The following MRPL3 variants were observed in gnomAD, a reference collection of about 807,000 sequenced individuals.
MRPL3 encodes the protein mitochondrial ribosomal protein L3.
A neutral mutation model predicts 44.3 loss-of-function variants in MRPL3; 43 were observed. The ratio of observed to expected loss-of-function variants is 0.97; its 90% confidence interval spans 0.76 to 1.25. MRPL3 has a LOEUF of 1.25. Ranked by LOEUF, MRPL3 falls within the 50% of genes most tolerant of loss-of-function variation. The pLI is 0.00. For missense variants in MRPL3, 406 were observed against 427.6 expected (o/e 0.95, Z 0.45); for synonymous variants, 171 against 152.3 (o/e 1.12, Z -0.91).
At chr3:131,491,217 C>G (rs936021961) in intron 4 of MRPL3, among the ~76,000 whole-genome samples, 57 of 152,252 alleles carry the variant, frequency 3.7e-4, no homozygotes, top group African/African-American at 1.3e-3. Context: ...GCACTTTCAG[C>G]TCCTAGCACT....
At chr3:131,471,710 T>TC (rs1214971625) in intron 6 of MRPL3, among the ~76,000 whole-genome samples, 1 of 152,108 alleles carries the variant, frequency 6.6e-6, no homozygotes, top group African/African-American at 2.4e-5. Flanking sequence ...TTTAATTCCC[T>TC]CCCCTTGAGT....
chr3:131,483,739 G>A (rs1332966710), intron 6 of MRPL3, among the ~76,000 whole-genome samples: 2 of 152,122 alleles, frequency 1.3e-5, no homozygotes, highest in Non-Finnish European at 2.9e-5. Context: ...ACTGTCTGCA[G>A]ACAATTTCAT....
chr3:131,487,799 T>C, intron 5 of MRPL3, 59 bp from the exon 6 acceptor site: 9 of 1,388,012 alleles, frequency 6.5e-6, no homozygotes, highest in East Asian at 2.3e-5. Flanking sequence ...AACAACTTTA[T>C]TCAACATAAA....
chr3:131,491,970 T>TC (rs1934265229), intron 4 of MRPL3, among the ~76,000 whole-genome samples: 1 of 152,088 alleles, frequency 6.6e-6, no homozygotes, highest in Non-Finnish European at 1.5e-5. Flanking sequence ...TTTACTCTCC[T>TC]CCTGACTCAC....
At chr3:131,498,477 C>T (rs1934418968) in intron 3 of MRPL3, among the ~76,000 whole-genome samples, 200 bp from the exon 4 acceptor site, 1 of 150,450 alleles carries the variant, frequency 6.6e-6, no homozygotes, top group African/African-American at 2.4e-5. Flanking sequence ...CCGAGGCGGG[C>T]AGCTCATGAA....
At chr3:131,464,826 T>C (rs1031482132) in intron 9 of MRPL3, among the ~76,000 whole-genome samples, 3 of 152,202 alleles carry the variant, frequency 2.0e-5, no homozygotes, top group Admixed American at 1.3e-4. Flanking sequence ...CCCTGTACTC[T>C]GAGGAAACAA....
chr3:131,499,889 C>A (rs1423741024), intron 3 of MRPL3, among the ~76,000 whole-genome samples: 2 of 152,126 alleles, frequency 1.3e-5, no homozygotes, highest in Non-Finnish European at 2.9e-5. Context: ...ATTTCTTTTA[C>A]AGAATAGAGT....
Position 131,501,573 on chromosome 3 carries a change from G to T in MRPL3, c.235C>A (p.Pro79Thr), listed in dbSNP as rs1410953473. 20 of 1,611,982 alleles carry T rather than the reference G, an allele frequency of 1.2e-5. No individual in the cohort carries two copies. Among genetic ancestry groups the T allele is most frequent in the Non-Finnish European group, 1.7e-5 (20 of 1,179,938 alleles). ...DKAQLASKLC[P>T]LKDEPWPIHP... ...ATAGGCCATGGTTCATCTTTCAGAG[G>T]ACACAGTTTACTTGCTAATTGGGCT... is the stretch of plus-strand genomic sequence containing the variant. Residue 79 changes from proline to threonine, a missense_variant, in exon 2 of 10, where the codon CCT becomes ACT. Transcript: ENST00000264995.
intron 4 of MRPL3, 110 bp downstream of exon 4, chr3:131,498,069 T>C (rs1042544499): frequency 8.3e-6 from 7 of 841,622 alleles, no homozygotes; most frequent in South Asian, 1.5e-5. Context: ...ACAATTTACC[T>C]CACAAACAAA....
At chr3:131,497,952 G>A (rs950065045) in intron 4 of MRPL3, 1 of 539,110 alleles carries the variant, frequency 1.9e-6, no homozygotes, top group Non-Finnish European at 3.3e-6. Flanking sequence ...ACAGCTTAGA[G>A]AGGTAAAATT....
intron 9 of MRPL3, among the ~76,000 whole-genome samples, chr3:131,466,966 G>A (rs527746171): frequency 2.0e-5 from 3 of 151,960 alleles, no homozygotes; most frequent in Non-Finnish European, 4.4e-5. Context: ...CTCTGTGCTT[G>A]TAGACCACCT....
intron 5 of MRPL3, 73 bp from the exon 6 acceptor site, chr3:131,487,813 T>C (rs1934163043): frequency 3.3e-6 from 4 of 1,218,902 alleles, no homozygotes; most frequent in Non-Finnish European, 4.7e-6. Context: ...ACATAAACTA[T>C]ATCCAGGAAG....
At chr3:131,464,664 T>C (rs1319090590) in intron 9 of MRPL3, among the ~76,000 whole-genome samples, 1 of 152,218 alleles carries the variant, frequency 6.6e-6, no homozygotes, top group Non-Finnish European at 1.5e-5. Context: ...ACATTTATAC[T>C]TATTATGCTG....
At chr3:131,490,798 C>T (rs866977086) in intron 4 of MRPL3, among the ~76,000 whole-genome samples, 3 of 152,282 alleles carry the variant, frequency 2.0e-5, no homozygotes, top group Middle Eastern at 3.4e-3. Flanking sequence ...CGGCAAGGGC[C>T]CTCTGCTTAG....
chr3:131,502,219 A>G (rs1371811882), intron 1 of MRPL3, among the ~76,000 whole-genome samples: 2 of 152,218 alleles, frequency 1.3e-5, no homozygotes, highest in Non-Finnish European at 2.9e-5. Context: ...TAGTGGGCGG[A>G]GGTCAGGAAG....
chr3:131,465,856 ACAAAAATTCAT>A, intron 9 of MRPL3, among the ~76,000 whole-genome samples: 1 of 151,442 alleles, frequency 6.6e-6, no homozygotes, highest in African/African-American at 2.4e-5. Context: ...AACAAAACTT[ACAAAAATTCAT>A]CAAATACATT....
chr3:131,471,131 A>C (rs780883341), intron 7 of MRPL3, 40 bp downstream of exon 7: 81 of 1,379,500 alleles, frequency 5.9e-5, no homozygotes, highest in Admixed American at 8.5e-5. Context: ...GCAGAAGTTG[A>C]ATATTTAGCA....
chr3:131,501,273 A>G (rs1021943553), intron 2 of MRPL3, among the ~76,000 whole-genome samples: 3 of 152,230 alleles, frequency 2.0e-5, no homozygotes, highest in Admixed American at 6.5e-5. Flanking sequence ...TGAAGTAAAC[A>G]AGAGAATCTA....
At chr3:131,501,291 TG>T (rs1934492586) in intron 2 of MRPL3, among the ~76,000 whole-genome samples, 2 of 152,382 alleles carry the variant, frequency 1.3e-5, no homozygotes, top group African/African-American at 4.8e-5. Flanking sequence ...CTATGCAGAA[TG>T]ATTCTCCCTT....
Sources: gnomAD v4.1 joint callset for allele counts (sites outside exome capture counted in the v4.1 genomes callset) on GRCh38, gnomAD v4.1.1 for gene constraint, MANE v1.5 for transcripts, NCBI Gene and HGNC (gene_info 2026-07-23, HGNC 2026-07-21) for gene names.